OTULINL: variants seen among roughly 807,000 people sequenced by gnomAD.
OTULINL encodes inactive ubiquitin thioesterase OTULINL.
A neutral mutation model predicts 43.9 loss-of-function variants in OTULINL; 42 were observed. The observed-to-expected ratio is 0.96, with a 90% CI of 0.75 to 1.24. The LOEUF (loss-of-function observed/expected upper bound fraction) is 1.24, where lower values mean the gene tolerates loss of function less well. OTULINL is among the 50% of genes most tolerant of loss of function. The pLI is 0.00. For missense variants in OTULINL, 411 were observed against 426.4 expected, an observed-to-expected ratio of 0.96 and a Z score of 0.32; for synonymous variants, 172 against 153.6, an observed-to-expected ratio of 1.12 and a Z score of -0.88.
intron 3 of OTULINL, 37 bp from the exon 4 acceptor site, chr5:14,601,314 G>T (rs780738272): frequency 6.2e-7 from 1 of 1,610,748 alleles, no homozygotes; most frequent in Non-Finnish European, 8.5e-7. Flanking sequence ...GAGAAGAAAG[G>T]GAGAATTAAC....
chr5:14,586,072 A>G (rs26179), intron 1 of OTULINL, among the ~76,000 whole-genome samples: 11,814 of 152,278 alleles, frequency 0.078, 553 homozygotes, highest in East Asian at 0.2. Flanking sequence ...TAAAGTCTCT[A>G]CTTAATTTTT....
Position 14,600,932 on chromosome 5 carries a change from C to CT in OTULINL, c.65-14dup, listed in dbSNP as rs5866109. On this transcript the variant is annotated intron_variant, in intron 1 of 7. Coordinates refer to ENST00000274217, the MANE Select transcript of OTULINL (RefSeq NM_019018.3). Reference sequence around the variant, plus strand: ...AGCAAACTTGTGTAATTGTGATGTGCTTTTTTTTTTTTTTTTTTTGTAATT... The same window carrying CT: ...AGCAAACTTGTGTAATTGTGATGTGCTTTTTTTTTTTTTTTTTTTTGTAATT... 3,887 of 1,196,270 alleles carry CT rather than the reference C, an allele frequency of 3.2e-3. 4 individuals are homozygous for CT. The highest frequency in any genetic ancestry group is 0.011 in the African/African-American group (617 of 54,348). 74.1% of individuals were successfully genotyped at this position (1,196,270 alleles called of 1,614,324 possible). A position where few individuals can be genotyped will look rare whatever the true frequency, so the allele number is the denominator to read the frequency against.
intron 1 of OTULINL, among the ~76,000 whole-genome samples, chr5:14,586,852 T>G (rs952857437): frequency 6.6e-6 from 1 of 151,604 alleles, no homozygotes; most frequent in East Asian, 1.9e-4. Context: ...AAAATCTCAT[T>G]AAACATCAAG....
chr5:14,587,198 T>A (rs1433196873), intron 1 of OTULINL, among the ~76,000 whole-genome samples: 7 of 152,222 alleles, frequency 4.6e-5, no homozygotes, highest in African/African-American at 7.2e-5. Context: ...CCTGATACTT[T>A]GGGGTTGTAT....
At chr5:14,602,098 A>G in intron 4 of OTULINL, 85 bp from the exon 5 acceptor site, 2 of 1,079,778 alleles carry the variant, frequency 1.9e-6, no homozygotes, top group Admixed American at 3.2e-5. Context: ...AGTTGGGAGG[A>G]ACACCTCACT....
At position 14,581,808 on chromosome 5, in the gene OTULINL, C is replaced by G. The variant is rs989474029; in HGVS notation, c.-87C>G. Reference sequence around the variant, plus strand: ...CCCCAGCCCGCCTCAGGGAAGCGAGCCCGGGCGCCGGCGGGCGGCCGTCGC... The same window carrying G: ...CCCCAGCCCGCCTCAGGGAAGCGAGGCCGGGCGCCGGCGGGCGGCCGTCGC... On this transcript the variant is annotated 5_prime_UTR_variant, in exon 1 of 8. Coordinates refer to ENST00000274217, the MANE Select transcript of OTULINL (RefSeq NM_019018.3). 1.5e-5 allele frequency: 17 copies of G among 1,127,698 alleles called. No homozygotes were observed. The African/African-American group carries it at 2.6e-4, about 17-fold the overall frequency. The allele number at this position is 1,127,698 out of a possible 1,614,324, so 69.9% of individuals were successfully genotyped here.
chr5:14,598,158 G>T (rs1759318734), intron 1 of OTULINL, among the ~76,000 whole-genome samples: 1 of 152,192 alleles, frequency 6.6e-6, no homozygotes, highest in African/African-American at 2.4e-5. Context: ...AGCAGGTTGG[G>T]TGGAGCCTGC....
chr5:14,598,038 C>T (rs1223554521), intron 1 of OTULINL, among the ~76,000 whole-genome samples: 7 of 152,114 alleles, frequency 4.6e-5, no homozygotes, highest in Admixed American at 3.3e-4. Flanking sequence ...CTGGGAGCTA[C>T]AAGAGAGGCC....
chr5:14,609,262 C>CA (rs746241097), intron 7 of OTULINL, among the ~76,000 whole-genome samples: 1 of 152,210 alleles, frequency 6.6e-6, no homozygotes, highest in Admixed American at 6.5e-5. Context: ...TCTGACCTCT[C>CA]ACGCTGCTTC....
Position 14,614,298 on chromosome 5 carries a change from A to G in OTULINL, c.*3984A>G, listed in dbSNP as rs946504482. Among the ~76,000 whole-genome samples, 2 of 152,228 alleles carry G rather than the reference A, an allele frequency of 1.3e-5. No homozygotes were observed. Among genetic ancestry groups the G allele is most frequent in the East Asian group, 1.9e-4 (1 of 5,206 alleles). Reference sequence around the variant, plus strand: ...ACATTATTTAATTAACTTATTGACTATATATGGGTATACTTTTCTCTATAG... The same window carrying G: ...ACATTATTTAATTAACTTATTGACTGTATATGGGTATACTTTTCTCTATAG... On this transcript the variant is annotated 3_prime_UTR_variant, in exon 8 of 8. Transcript: ENST00000274217.
At chr5:14,606,622 G>A (rs538576581) in intron 5 of OTULINL, among the ~76,000 whole-genome samples, 23 of 152,288 alleles carry the variant, frequency 1.5e-4, no homozygotes, top group Non-Finnish European at 2.9e-4. Context: ...AATCCATGCC[G>A]GTTAAGTAAT....
chr5:14,593,082 C>T (rs1477558516), intron 1 of OTULINL, among the ~76,000 whole-genome samples: 1 of 152,196 alleles, frequency 6.6e-6, no homozygotes, highest in Non-Finnish European at 1.5e-5. Context: ...CCAGGAGAAT[C>T]CAGTCGGTTG....
At position 14,615,871 on chromosome 5, in the gene OTULINL, C is replaced by T. The variant is rs1305942460; in HGVS notation, c.*5557C>T. Reference sequence around the variant, plus strand: ...AGACCATTCCTCCTGTATGTCTTTACAAGCAAATTGAAACGACATGCTCTT... The same window carrying T: ...AGACCATTCCTCCTGTATGTCTTTATAAGCAAATTGAAACGACATGCTCTT... On this transcript the variant is annotated 3_prime_UTR_variant, in exon 8 of 8. Transcript: ENST00000274217. Among the ~76,000 whole-genome samples the T allele has an allele frequency of 6.6e-6, 1 of 152,200 alleles. No individual in the cohort carries two copies. The highest frequency in any genetic ancestry group is 1.5e-5 in the Non-Finnish European group (1 of 68,038).
At position 14,611,403 on chromosome 5, in the gene OTULINL, T is replaced by C. The variant is rs914843436; in HGVS notation, c.*1089T>C. On this transcript the variant is annotated 3_prime_UTR_variant, in exon 8 of 8. Coordinates refer to ENST00000274217, the MANE Select transcript of OTULINL (RefSeq NM_019018.3). ...CGGTTAGAGAGAGATGCACCATTGCTGGCTTTGAAGATGGAGGAAGGGGCC... is the reference window on the plus strand; with the variant it reads ...CGGTTAGAGAGAGATGCACCATTGCCGGCTTTGAAGATGGAGGAAGGGGCC... 6.6e-6 allele frequency: 1 copy of C among 152,226 alleles called. No individual in the cohort carries two copies. The highest frequency in any genetic ancestry group is 1.5e-5 in the Non-Finnish European group (1 of 68,052). The allele number at this position is 152,226 out of a possible 1,614,324, so 9.4% of individuals were successfully genotyped here.
rs1267871765 is a variant in OTULINL at position 14,581,918 on chromosome 5, G to A, written c.24G>A (p.Thr8=). The A allele has an allele frequency of 7.1e-6, 10 of 1,409,912 alleles. No homozygotes were observed. The highest frequency in any genetic ancestry group is 1.4e-5 in the South Asian group (1 of 69,396). 87.3% of individuals were successfully genotyped at this position (1,409,912 alleles called of 1,614,324 possible). The change falls in exon 1 of 8, where the codon ACG becomes ACA. Residue 8 remains threonine, a synonymous_variant. Transcript: ENST00000274217. MAATRSP[T]RARERERSGA... is the part of the protein sequence containing the mutation. Reference sequence around the variant, plus strand: ...GCATGGCGGCGACAAGGAGCCCCACGCGGGCAAGGGAGCGGGAGCGGTCTG... The same window carrying A: ...GCATGGCGGCGACAAGGAGCCCCACACGGGCAAGGGAGCGGGAGCGGTCTG...
intron 1 of OTULINL, among the ~76,000 whole-genome samples, chr5:14,592,779 G>A (rs1759226894): frequency 1.3e-5 from 2 of 152,162 alleles, no homozygotes; most frequent in South Asian, 4.1e-4. Flanking sequence ...TTACAGATCT[G>A]AACACCTCAA....
chr5:14,614,467 T>C lies in OTULINL; in HGVS notation c.*4153T>C. The C allele has an allele frequency of 2.5e-6, 1 of 397,358 alleles. No homozygotes were observed. 24.6% of individuals were successfully genotyped at this position (397,358 alleles called of 1,614,324 possible). On this transcript the variant is annotated 3_prime_UTR_variant, in exon 8 of 8. Coordinates refer to ENST00000274217, the MANE Select transcript of OTULINL (RefSeq NM_019018.3). ...AAATTGTTCAATCACTTCTATGTTA[T>C]TTGTTCAGAATAGTGGATCTTTGCT...
rs1417102812 is a variant in OTULINL at position 14,608,841 on chromosome 5, G to C, written c.721G>C (p.Glu241Gln). ...SDAILEYKLY[E>Q]ALKFIMLYQV... is the part of the protein sequence containing the mutation. ...TGCCATTCTGGAATATAAACTTTAT[G>C]AAGCTTTAAAGTTCATCATGCTGTA... Residue 241 changes from glutamate to glutamine, a missense_variant, in exon 7 of 8, where the codon GAA becomes CAA. Physicochemically the swap from Glu to Gln is conservative, Grantham distance 29. Coordinates refer to ENST00000274217, the MANE Select transcript of OTULINL (RefSeq NM_019018.3). 6.2e-7 allele frequency: 1 copy of C among 1,613,840 alleles called. No individual in the cohort carries two copies. Among genetic ancestry groups the C allele is most frequent in the Admixed American group, 1.7e-5 (1 of 60,028 alleles).
intron 1 of OTULINL, among the ~76,000 whole-genome samples, chr5:14,585,459 A>G (rs1001773450): frequency 1.3e-5 from 2 of 152,194 alleles, no homozygotes; most frequent in Non-Finnish European, 2.9e-5. Flanking sequence ...ATTTTATCTC[A>G]GTAGAAAGTC....
Sources: allele counts gnomAD v4.1 joint callset (sites outside exome capture counted in the v4.1 genomes callset), GRCh38; gene constraint gnomAD v4.1.1; transcripts MANE v1.5; gene names NCBI Gene and HGNC (gene_info 2026-07-23, HGNC 2026-07-21).